Variants in MYO5B observed in about 807,000 individuals in gnomAD.
The protein encoded by MYO5B is unconventional myosin-Vb.
A neutral mutation model predicts 229.3 loss-of-function variants in MYO5B; 143 were observed. The ratio of observed to expected loss-of-function variants is 0.62; its 90% CI spans 0.54 to 0.72. The LOEUF is 0.72. Among genes scored for constraint, MYO5B ranks in the 30% least tolerant of loss-of-function variants. The probability of loss-of-function intolerance (pLI) is 0.00; values close to 1 mark genes in which losing one functional copy is unlikely to be tolerated. For synonymous variants in MYO5B, 918 were observed against 885.2 expected, an observed-to-expected ratio of 1.04 and a Z score of -0.66; for missense variants, 2,321 against 2,331.0, an observed-to-expected ratio of 1.00 and a Z score of 0.09.
In MYO5B at chr18:50,101,111, G is replaced by A. The variant is rs116666932; in HGVS notation, c.28-45733C>T. Among the ~76,000 whole-genome samples, 1,229 of 152,288 alleles carry A rather than the reference G, an allele frequency of 8.1e-3. 8 individuals are homozygous for A. The highest frequency in any genetic ancestry group is 0.028 in the African/African-American group (1,170 of 41,544). On this transcript the variant is annotated intron_variant, in intron 1 of 39. Coordinates refer to ENST00000285039, the MANE Select transcript of MYO5B (RefSeq NM_001080467.3). ...ACTGTATAGTTGAAGTTTGCTAAGA[G>A]GGTAGACCTTAAGTGTTCTCACCAC...
At chr18:50,192,860 C>T (rs1395136208) in intron 1 of MYO5B, among the ~76,000 whole-genome samples, 2 of 152,194 alleles carry the variant, frequency 1.3e-5, no homozygotes, top group South Asian at 4.1e-4. Context: ...GTGTCTTGAA[C>T]TTGATGGAAA....
chr18:49,973,663 G>A (rs2025714421), intron 10 of MYO5B, among the ~76,000 whole-genome samples: 2 of 152,192 alleles, frequency 1.3e-5, no homozygotes, highest in Non-Finnish European at 2.9e-5. Context: ...AACCTCATTT[G>A]AAGCTATGAA....
intron 14 of MYO5B, among the ~76,000 whole-genome samples, chr18:49,947,286 T>TA (rs1316682916): frequency 2.0e-5 from 3 of 151,948 alleles, no homozygotes; most frequent in Non-Finnish European, 4.4e-5. Flanking sequence ...TTTGTATTTT[T>TA]AGTAGAGATG....
Position 49,836,510 on chromosome 18 carries a change from T to C in MYO5B, c.5313+201A>G, listed in dbSNP as rs11659301. Among the ~76,000 whole-genome samples the C allele has an allele frequency of 0.14, 20,720 of 152,248 alleles. 1,626 individuals are homozygous for C. The highest frequency in any genetic ancestry group is 0.3 in the East Asian group (1,536 of 5,182). On this transcript the variant is annotated intron_variant, in intron 38 of 39. Coordinates refer to ENST00000285039, the MANE Select transcript of MYO5B (RefSeq NM_001080467.3). ...TAGAGAGTTACTAGAAAACAGTATC[T>C]GTGGCATCTTGTTTCACAGACCAAA...
At chr18:50,062,076 C>G (rs976059880) in intron 1 of MYO5B, among the ~76,000 whole-genome samples, 1 of 152,142 alleles carries the variant, frequency 6.6e-6, no homozygotes, top group African/African-American at 2.4e-5. Flanking sequence ...GTCTACCCCA[C>G]TCCTGGAGAA....
At chr18:49,947,970 G>A (rs905300483) in intron 14 of MYO5B, among the ~76,000 whole-genome samples, 5 of 152,084 alleles carry the variant, frequency 3.3e-5, no homozygotes, top group Admixed American at 6.5e-5. Flanking sequence ...CCATTAACTC[G>A]TCATTTAGCA....
intron 1 of MYO5B, among the ~76,000 whole-genome samples, chr18:50,192,442 C>T (rs2144366093): frequency 6.6e-6 from 1 of 152,280 alleles, no homozygotes; most frequent in East Asian, 1.9e-4. Flanking sequence ...TGGTTCAGAG[C>T]AGAGATCACA....
chr18:49,892,952 A>G (rs1160158980), intron 22 of MYO5B, among the ~76,000 whole-genome samples: 4 of 152,124 alleles, frequency 2.6e-5, no homozygotes, highest in Non-Finnish European at 1.5e-5. Context: ...TCCAAGCTCT[A>G]ATTTTCTTTA....
At chr18:49,830,798 G>A (rs181553247) in intron 39 of MYO5B, among the ~76,000 whole-genome samples, 16 of 138,580 alleles carry the variant, frequency 1.2e-4, no homozygotes, top group East Asian at 8.3e-4. Flanking sequence ...GCACTACTGC[G>A]CTCCATGGGT....
At chr18:49,979,890 A>G (rs893487619) in intron 9 of MYO5B, among the ~76,000 whole-genome samples, 1 of 152,202 alleles carries the variant, frequency 6.6e-6, no homozygotes, top group Non-Finnish European at 1.5e-5. Context: ...TACCTACCAC[A>G]TATCAGTACT....
intron 14 of MYO5B, among the ~76,000 whole-genome samples, chr18:49,939,797 T>C (rs1333225844): frequency 6.6e-6 from 1 of 152,178 alleles, no homozygotes; most frequent in Non-Finnish European, 1.5e-5. Context: ...GAAGTAGAAA[T>C]ATAAAAGGGC....
chr18:49,971,689 A>G (rs2025693945), intron 10 of MYO5B, among the ~76,000 whole-genome samples: 1 of 152,186 alleles, frequency 6.6e-6, no homozygotes, highest in South Asian at 2.1e-4. Context: ...GCACTTCCAT[A>G]TTTAGGGCAT....
At chr18:50,032,327 C>T (rs576181014) in intron 4 of MYO5B, among the ~76,000 whole-genome samples, 1 of 152,286 alleles carries the variant, frequency 6.6e-6, no homozygotes, top group South Asian at 2.1e-4. Context: ...CCCGCCACAA[C>T]CACCCCCCAA....
At chr18:50,018,783 C>T (rs1045643901) in intron 4 of MYO5B, among the ~76,000 whole-genome samples, 4 of 152,110 alleles carry the variant, frequency 2.6e-5, no homozygotes, top group African/African-American at 7.2e-5. Context: ...TCTTAACACA[C>T]GGTTTTAGTG....
At chr18:49,900,933 G>A (rs1052793707) in intron 21 of MYO5B, among the ~76,000 whole-genome samples, 4 of 152,204 alleles carry the variant, frequency 2.6e-5, no homozygotes, top group Non-Finnish European at 5.9e-5. Flanking sequence ...TTATGGCTGT[G>A]GGATCAGAGC....
intron 1 of MYO5B, among the ~76,000 whole-genome samples, chr18:50,110,150 G>A (rs927289314): frequency 2.0e-5 from 3 of 152,078 alleles, no homozygotes; most frequent in African/African-American, 4.8e-5. Flanking sequence ...AGATATCCAC[G>A]CTGCTTCCTC....
chr18:49,907,169 T>C (rs2024909122), intron 18 of MYO5B, among the ~76,000 whole-genome samples: 1 of 152,076 alleles, frequency 6.6e-6, no homozygotes. Context: ...CTGGGGGAAC[T>C]GAAGGTGATT....
chr18:50,129,816 T>C (rs1050009433), intron 1 of MYO5B, among the ~76,000 whole-genome samples: 2 of 152,176 alleles, frequency 1.3e-5, no homozygotes, highest in African/African-American at 4.8e-5. Context: ...ATGGGACTAG[T>C]ACAGGAGCCT....
chr18:49,891,847 T>C (rs1454827231), intron 22 of MYO5B, among the ~76,000 whole-genome samples: 1 of 152,258 alleles, frequency 6.6e-6, no homozygotes, highest in Non-Finnish European at 1.5e-5. Context: ...CTATGACTGA[T>C]GTCTTGATAC....
Sources: gnomAD v4.1 joint callset for allele counts (sites outside exome capture counted in the v4.1 genomes callset) on GRCh38, gnomAD v4.1.1 for gene constraint, MANE v1.5 for transcripts, NCBI Gene and HGNC (gene_info 2026-07-23, HGNC 2026-07-21) for gene names.